IMMP2L: variants seen among roughly 807,000 people sequenced by gnomAD.
The protein encoded by IMMP2L is inner mitochondrial membrane peptidase subunit 2, also known as mitochondrial inner membrane protease subunit 2.
IMMP2L carries 18 observed loss-of-function variants against 19.3 expected under a neutral mutation model. That is an observed-to-expected ratio of 0.93 (90% CI 0.64 to 1.38). IMMP2L has a LOEUF of 1.38. Among genes scored for constraint, IMMP2L ranks in the 40% most tolerant of loss-of-function variants. IMMP2L has a pLI of 0.00. For synonymous variants in IMMP2L, 76 were observed against 73.0 expected, an observed-to-expected ratio of 1.04 and a Z score of -0.21; for missense variants, 233 against 218.2, an observed-to-expected ratio of 1.07 and a Z score of -0.43.
chr7:111,007,395 G>A (rs955116270), intron 3 of IMMP2L, among the ~76,000 whole-genome samples: 1 of 151,978 alleles, frequency 6.6e-6, no homozygotes, highest in Non-Finnish European at 1.5e-5. Flanking sequence ...AATTGCTAGG[G>A]TCAGCACCAT....
intron 3 of IMMP2L, among the ~76,000 whole-genome samples, chr7:111,439,479 C>A (rs754324051): frequency 2.6e-5 from 4 of 151,832 alleles, no homozygotes; most frequent in Non-Finnish European, 4.4e-5. Context: ...TTTGGTTTCA[C>A]AGTGTATATA....
At chr7:110,874,537 T>C (rs911907572) in intron 5 of IMMP2L, among the ~76,000 whole-genome samples, 3 of 152,076 alleles carry the variant, frequency 2.0e-5, no homozygotes, top group East Asian at 1.9e-4. Context: ...AAACATATAA[T>C]AGTAGGAAGA....
intron 5 of IMMP2L, among the ~76,000 whole-genome samples, chr7:110,860,603 T>C (rs1472000180): frequency 6.6e-6 from 1 of 152,088 alleles, no homozygotes; most frequent in Non-Finnish European, 1.5e-5. Context: ...TTCATATAAC[T>C]AGATTACTGC....
At chr7:111,164,141 G>GAGGAAGGA (rs148915362) in intron 3 of IMMP2L, among the ~76,000 whole-genome samples, 21 of 150,220 alleles carry the variant, frequency 1.4e-4, no homozygotes, top group South Asian at 2.1e-4. Context: ...GAGAGGGAGA[G>GAGGAAGGA]AGGAAGGAAG....
At chr7:111,420,906 C>T (rs1835449040) in intron 3 of IMMP2L, among the ~76,000 whole-genome samples, 1 of 151,694 alleles carries the variant, frequency 6.6e-6, no homozygotes, top group African/African-American at 2.4e-5. Flanking sequence ...ATTTATAATC[C>T]TTTGGGTATA....
intron 5 of IMMP2L, among the ~76,000 whole-genome samples, chr7:110,815,534 AG>A (rs1158002532): frequency 6.6e-6 from 1 of 152,142 alleles, no homozygotes; most frequent in African/African-American, 2.4e-5. Context: ...TAGTTTCAGA[AG>A]GAATGGTACC....
intron 3 of IMMP2L, among the ~76,000 whole-genome samples, chr7:111,008,806 A>G (rs1824591999): frequency 6.6e-6 from 1 of 152,122 alleles, no homozygotes; most frequent in Non-Finnish European, 1.5e-5. Context: ...GAGAAGGTTC[A>G]GCAAAGTTAC....
chr7:111,001,441 C>A (rs1823677702), intron 3 of IMMP2L, among the ~76,000 whole-genome samples: 1 of 152,040 alleles, frequency 6.6e-6, no homozygotes, highest in Admixed American at 6.6e-5. Flanking sequence ...TATGTTCACA[C>A]ATAACGTTTG....
At chr7:111,332,725 T>G (rs1013984574) in intron 3 of IMMP2L, among the ~76,000 whole-genome samples, 54 of 152,048 alleles carry the variant, frequency 3.6e-4, no homozygotes, top group South Asian at 4.1e-4. Context: ...TTCTCTCAAA[T>G]GCATGTGGAG....
intron 5 of IMMP2L, among the ~76,000 whole-genome samples, chr7:110,741,398 G>T (rs557565201): frequency 4.9e-4 from 74 of 152,328 alleles, no homozygotes; most frequent in African/African-American, 1.8e-3. Flanking sequence ...AGCAAGAAGT[G>T]GGCCTTTAGG....
At chr7:111,487,421 G>A (rs1842750079) in intron 2 of IMMP2L, 80 bp from the exon 3 acceptor site, 4 of 799,752 alleles carry the variant, frequency 5.0e-6, no homozygotes, top group Non-Finnish European at 8.7e-6. Flanking sequence ...CAGCTCGAGT[G>A]GACTGAAATA....
intron 3 of IMMP2L, among the ~76,000 whole-genome samples, chr7:111,188,710 TACAGGTAA>T (rs1316977779): frequency 6.6e-6 from 1 of 152,100 alleles, no homozygotes; most frequent in Non-Finnish European, 1.5e-5. Context: ...GGGTAGCTAG[TACAGGTAA>T]ACTGTTAATT....
chr7:110,678,784 C>T (rs1792498906), intron 5 of IMMP2L, among the ~76,000 whole-genome samples: 1 of 152,040 alleles, frequency 6.6e-6, no homozygotes, highest in African/African-American at 2.4e-5. Context: ...CCATGATATC[C>T]CTTGCCAGAT....
intron 3 of IMMP2L, among the ~76,000 whole-genome samples, chr7:111,013,257 T>A (rs1304480717): frequency 6.6e-6 from 1 of 151,742 alleles, no homozygotes. Context: ...CACTTAAGAG[T>A]TTTATGTAAG....
At chr7:110,792,360 T>A (rs1009716747) in intron 5 of IMMP2L, among the ~76,000 whole-genome samples, 1 of 151,950 alleles carries the variant, frequency 6.6e-6, no homozygotes, top group South Asian at 2.1e-4. Flanking sequence ...TCTCTAAGTC[T>A]TATTCAGTAC....
At chr7:110,702,839 C>T (rs1295307768) in intron 5 of IMMP2L, among the ~76,000 whole-genome samples, 2 of 152,182 alleles carry the variant, frequency 1.3e-5, no homozygotes, top group Non-Finnish European at 2.9e-5. Flanking sequence ...TCTACATGTA[C>T]AATCATGTTT....
At chr7:111,168,239 C>A (rs1355215138) in intron 3 of IMMP2L, among the ~76,000 whole-genome samples, 1 of 151,002 alleles carries the variant, frequency 6.6e-6, no homozygotes, top group African/African-American at 2.4e-5. Context: ...AAAAATAATC[C>A]AATTATTTGT....
intron 3 of IMMP2L, among the ~76,000 whole-genome samples, chr7:111,409,603 T>C (rs187937506): frequency 6.6e-6 from 1 of 151,804 alleles, no homozygotes; most frequent in Non-Finnish European, 1.5e-5. Flanking sequence ...TTAAATAATC[T>C]TATGGTCTCT....
At chr7:111,423,539 T>C (rs1364073982) in intron 3 of IMMP2L, among the ~76,000 whole-genome samples, 1 of 151,906 alleles carries the variant, frequency 6.6e-6, no homozygotes, top group Non-Finnish European at 1.5e-5. Flanking sequence ...GTAGTTTGTA[T>C]TTCTGTGGGA....
Sources: gnomAD v4.1 joint callset for allele counts (sites outside exome capture counted in the v4.1 genomes callset) on GRCh38, gnomAD v4.1.1 for gene constraint, MANE v1.5 for transcripts, NCBI Gene and HGNC (gene_info 2026-07-23, HGNC 2026-07-21) for gene names.